Variants in PPFIBP1 observed in about 807,000 individuals in gnomAD.
The protein encoded by PPFIBP1 is liprin-beta-1.
PPFIBP1 carries 112 observed loss-of-function variants against 137.8 expected under a neutral mutation model. The observed-to-expected ratio is 0.81, with a 90% confidence interval of 0.70 to 0.95. The LOEUF is 0.95. Ranked by LOEUF, PPFIBP1 falls within the 40% of genes least tolerant of loss-of-function variation. The pLI, the probability that PPFIBP1 is intolerant of heterozygous loss-of-function variation, is 0.00. For missense variants in PPFIBP1, 1,083 were observed against 1,196.6 expected (o/e 0.91, Z 1.40); for synonymous variants, 378 against 417.3 (o/e 0.91, Z 1.15).
chr12:27,596,675 G>A (rs2053350137), intron 2 of PPFIBP1, among the ~76,000 whole-genome samples: 2 of 152,118 alleles, frequency 1.3e-5, no homozygotes, highest in African/African-American at 4.8e-5. Flanking sequence ...ATATCACCAT[G>A]CCTGGCTAGT....
intron 24 of PPFIBP1, among the ~76,000 whole-genome samples, chr12:27,683,576 G>A (rs1014786886): frequency 2.0e-5 from 3 of 152,112 alleles, no homozygotes; most frequent in Non-Finnish European, 4.4e-5. Context: ...AGGAGTTACT[G>A]GGGTTAAAGG....
At chr12:27,538,533 C>G (rs1331700919) in intron 1 of PPFIBP1, among the ~76,000 whole-genome samples, 2 of 152,222 alleles carry the variant, frequency 1.3e-5, no homozygotes, top group Non-Finnish European at 2.9e-5. Context: ...AACACTGACT[C>G]TCAAAATGGC....
chr12:27,533,812 A>C (rs1453635318), intron 1 of PPFIBP1, among the ~76,000 whole-genome samples: 1 of 152,316 alleles, frequency 6.6e-6, no homozygotes, highest in Non-Finnish European at 1.5e-5. Flanking sequence ...ATGGTCAGGC[A>C]AAAAAGAAGT....
intron 7 of PPFIBP1, among the ~76,000 whole-genome samples, chr12:27,650,746 T>C (rs1324954003): frequency 6.6e-6 from 1 of 152,230 alleles, no homozygotes. Context: ...ACAAGCTTTA[T>C]TGTTTGTTCT....
At chr12:27,569,932 T>C in intron 1 of PPFIBP1, among the ~76,000 whole-genome samples, 1 of 152,242 alleles carries the variant, frequency 6.6e-6, no homozygotes, top group South Asian at 2.1e-4. Flanking sequence ...ATAGCCTTGA[T>C]AATTTCTTAA....
Position 27,544,705 on chromosome 12 carries a change from C to T in PPFIBP1, c.-124+20340C>T, listed in dbSNP as rs1946045169. On this transcript the variant is annotated intron_variant, in intron 1 of 29. Coordinates refer to ENST00000228425, the MANE Select transcript of PPFIBP1 (RefSeq NM_003622.4). ...AACCACAATGAGATACCATCTCACG[C>T]CCGTTAGAATGGCAATCATTAAATA... 3.3e-5 allele frequency among the ~76,000 whole-genome samples: 5 copies of T among 152,276 alleles called. No homozygotes were observed. In the South Asian group the frequency reaches 1.0e-3, roughly 32 times the overall value.
chr12:27,690,069 C>T (rs1169302982), intron 27 of PPFIBP1, among the ~76,000 whole-genome samples: 1 of 152,094 alleles, frequency 6.6e-6, no homozygotes, highest in Non-Finnish European at 1.5e-5. Context: ...TCTCTTTTCT[C>T]AGGGGCTTCC....
Position 27,536,196 on chromosome 12 carries a change from C to T in PPFIBP1, c.-124+11831C>T, listed in dbSNP as rs138566312. 4.6e-3 allele frequency among the ~76,000 whole-genome samples: 705 copies of T among 152,220 alleles called. 1 individual carries two copies. The highest frequency in any genetic ancestry group is 7.7e-3 in the Admixed American group (117 of 15,284). ...TGAACTCCCACGCACCAGGAGTTCA[C>T]GGGAATTCTGAGCTCATGGTGCATT... is the stretch of plus-strand genomic sequence containing the variant. On this transcript the variant is annotated intron_variant, in intron 1 of 29. Coordinates refer to ENST00000228425, the MANE Select transcript of PPFIBP1 (RefSeq NM_003622.4).
At chr12:27,692,250 C>G (rs1263692055) in intron 28 of PPFIBP1, among the ~76,000 whole-genome samples, 1 of 152,166 alleles carries the variant, frequency 6.6e-6, no homozygotes, top group Non-Finnish European at 1.5e-5. Context: ...TCATATTTAC[C>G]AATATTTTGC....
Position 27,682,468 on chromosome 12 carries a change from C to T in PPFIBP1, c.2128C>T (p.His710Tyr). The change falls in exon 23 of 30, where the codon CAT (histidine) becomes TAT (tyrosine). Residue 710 changes from histidine to tyrosine, a missense_variant. By Grantham distance (83) the His-to-Tyr change is moderately conservative. Coordinates refer to ENST00000228425, the MANE Select transcript of PPFIBP1 (RefSeq NM_003622.4). ...CCTGGGATCTGAAGAAGAAACCAAT[C>T]ATGGGAAGCTGGATTTCAACTGGGT... ...QALGSEEETN[H>Y]GKLDFNWVTR... 6.2e-7 allele frequency: 1 copy of T among 1,613,992 alleles called. No homozygotes were observed. The highest frequency in any genetic ancestry group is 8.5e-7 in the Non-Finnish European group (1 of 1,179,872).
chr12:27,633,830 C>A (rs188709089), intron 3 of PPFIBP1, among the ~76,000 whole-genome samples: 4,460 of 102,260 alleles, frequency 0.044, 256 homozygotes, highest in African/African-American at 0.12. Context: ...CAATGACTCC[C>A]GTATCTTTTT....
chr12:27,684,699 T>C (rs1450724354), intron 24 of PPFIBP1, among the ~76,000 whole-genome samples: 1 of 151,874 alleles, frequency 6.6e-6, no homozygotes, highest in Non-Finnish European at 1.5e-5. Context: ...TTTGCTCATA[T>C]TAATACTGGA....
rs1267972090 is a variant in PPFIBP1, at chr12:27,671,535, A to T, written c.1251A>T (p.Ser417=). The part of the protein sequence containing the change: ...KSKLTPKPET[S]FEENDGNIIL... ...AGTTGACTCCTAAGCCAGAGACTTCATTTGAAGAAAAGTATGTCATTTATT... is the reference window on the plus strand; with the variant it reads ...AGTTGACTCCTAAGCCAGAGACTTCTTTTGAAGAAAAGTATGTCATTTATT... Residue 417 remains serine (S), a synonymous_variant, in exon 14 of 30, where the codon TCA becomes TCT. Transcript: ENST00000228425. The T allele has an allele frequency of 6.4e-7, 1 of 1,567,250 alleles. No homozygotes were observed. The highest frequency in any genetic ancestry group is 2.3e-5 in the East Asian group (1 of 43,354).
chr12:27,537,137 CTCTT>C (rs1374007121), intron 1 of PPFIBP1, among the ~76,000 whole-genome samples: 1 of 151,940 alleles, frequency 6.6e-6, no homozygotes, highest in Admixed American at 6.6e-5. Flanking sequence ...CCTTCTCTCT[CTCTT>C]TTTTTTTTGA....
rs138974239 is a variant in PPFIBP1 at position 27,660,886 on chromosome 12, A to G, written c.847A>G (p.Ile283Val). 9.9e-6 allele frequency: 16 copies of G among 1,613,446 alleles called. No individual in the cohort carries two copies. In the African/African-American group the frequency reaches 1.9e-4, roughly 19 times the overall value. ...TTCTGATTTGATGTTATTTTCAGAC[A>G]TCGAAGTACAAAAAATGAAAAAAGC... ...NFKKKLKEKNIEVQKMKKAVE... is the reference protein window; with the variant it reads ...NFKKKLKEKNVEVQKMKKAVE... Residue 283 changes from isoleucine to valine, a missense_variant and splice_region_variant, in exon 11 of 30, where the codon ATC becomes GTC. By Grantham distance (29) the Ile-to-Val change is conservative (BLOSUM62 3). Transcript: ENST00000228425.
intron 1 of PPFIBP1, chr12:27,549,207 A>C (rs146937117): frequency 7.3e-6 from 1 of 136,412 alleles, no homozygotes; most frequent in East Asian, 1.9e-4. Context: ...GAGACTCTTG[A>C]ATATGTGCAC....
chr12:27,592,973 C>G (rs1283975000), intron 2 of PPFIBP1, among the ~76,000 whole-genome samples: 1 of 151,800 alleles, frequency 6.6e-6, no homozygotes, highest in Non-Finnish European at 1.5e-5. Context: ...AACACTGTCT[C>G]TACTAAAAAT....
At chr12:27,676,940 C>T (rs770871758) in intron 18 of PPFIBP1, 124 bp from the exon 19 acceptor site, 9 of 1,236,210 alleles carry the variant, frequency 7.3e-6, no homozygotes, top group African/African-American at 2.9e-5. Flanking sequence ...CACTGTGTGC[C>T]GCATGCCTCT....
chr12:27,553,760 G>T (rs901073370), intron 1 of PPFIBP1, among the ~76,000 whole-genome samples: 1 of 152,144 alleles, frequency 6.6e-6, no homozygotes, highest in Non-Finnish European at 1.5e-5. Flanking sequence ...ACATTTTTGG[G>T]TGATCCTCTA....
Sources: gnomAD v4.1 joint callset for allele counts (sites outside exome capture counted in the v4.1 genomes callset) on GRCh38, gnomAD v4.1.1 for gene constraint, MANE v1.5 for transcripts, NCBI Gene and HGNC (gene_info 2026-07-23, HGNC 2026-07-21) for gene names.